The following EYS variants were observed in gnomAD, a reference collection of about 807,000 sequenced individuals.
The protein encoded by EYS is protein eyes shut homolog.
In EYS, 250 loss-of-function variants were observed where a neutral mutation model predicts 282.1. That is an observed-to-expected ratio of 0.89 (90% CI 0.80 to 0.98). The LOEUF is 0.98. Ranked by LOEUF, EYS falls within the 50% of genes least tolerant of loss-of-function variation. The pLI, the probability that EYS is intolerant of heterozygous loss-of-function variation, is 0.00. For synonymous variants in EYS, 1,355 were observed against 1,282.9 expected (o/e 1.06, Z -1.20); for missense variants, 4,016 against 3,709.0 (o/e 1.08, Z -2.15).
chr6:65,365,217 A>C (rs918214877), intron 8 of EYS, among the ~76,000 whole-genome samples: 1 of 151,734 alleles, frequency 6.6e-6, no homozygotes, highest in Admixed American at 6.7e-5. Context: ...TAGTAAGCTT[A>C]TCCAAAATAC....
chr6:64,426,386 A>T (rs1371349352), intron 28 of EYS, among the ~76,000 whole-genome samples: 1 of 152,196 alleles, frequency 6.6e-6, no homozygotes, highest in Non-Finnish European at 1.5e-5. Flanking sequence ...GAACATGGAT[A>T]CCAGATTGGA....
At chr6:64,023,247 C>G (rs1034439342) in intron 33 of EYS, among the ~76,000 whole-genome samples, 1 of 152,210 alleles carries the variant, frequency 6.6e-6, no homozygotes, top group Admixed American at 6.5e-5. Flanking sequence ...ATTTTAAAAT[C>G]TATTTCTCTG....
At chr6:64,776,571 T>C (rs1177163758) in intron 22 of EYS, among the ~76,000 whole-genome samples, 1 of 152,080 alleles carries the variant, frequency 6.6e-6, no homozygotes, top group East Asian at 1.9e-4. Flanking sequence ...GCTCTTTGTG[T>C]GTAGTTATAT....
chr6:64,195,986 C>A (rs1295076560), intron 31 of EYS, among the ~76,000 whole-genome samples: 1 of 152,080 alleles, frequency 6.6e-6, no homozygotes, highest in Non-Finnish European at 1.5e-5. Flanking sequence ...ATTTTCGCAA[C>A]CTACTCATCT....
At position 64,667,415 on chromosome 6, in the gene EYS, T is replaced by C. The variant is rs891662964; in HGVS notation, c.3444-41170A>G. On this transcript the variant is annotated intron_variant, in intron 22 of 42. Transcript: ENST00000503581. ...CCTCCTTGCAGCTTTGGACACAACG[T>C]GCAGATGGCATCATTATCTCTTTTA... is the stretch of plus-strand genomic sequence containing the variant. 3.3e-5 allele frequency among the ~76,000 whole-genome samples: 5 copies of C among 151,846 alleles called. No homozygotes were observed. In the South Asian group the frequency reaches 6.2e-4, roughly 19 times the overall value.
chr6:64,756,692 T>C (rs914917449), intron 22 of EYS, among the ~76,000 whole-genome samples: 4 of 152,210 alleles, frequency 2.6e-5, no homozygotes, highest in African/African-American at 9.6e-5. Flanking sequence ...CAGAGTGTCC[T>C]TTTACTCAGC....
chr6:64,566,826 T>C (rs1356857633), intron 26 of EYS, among the ~76,000 whole-genome samples: 1 of 152,128 alleles, frequency 6.6e-6, no homozygotes, highest in Non-Finnish European at 1.5e-5. Context: ...CAGGCTGGAA[T>C]GTAGTGCCAT....
At chr6:64,128,478 C>T (rs944592003) in intron 31 of EYS, among the ~76,000 whole-genome samples, 4 of 152,116 alleles carry the variant, frequency 2.6e-5, no homozygotes, top group Non-Finnish European at 5.9e-5. Context: ...TTCTAATTCT[C>T]ATAACATACA....
intron 29 of EYS, among the ~76,000 whole-genome samples, chr6:64,357,751 G>A (rs1561949265): frequency 1.3e-5 from 2 of 151,592 alleles, no homozygotes; most frequent in Admixed American, 1.3e-4. Flanking sequence ...TGCCCCTGTA[G>A]TGTGAAGTAG....
intron 35 of EYS, among the ~76,000 whole-genome samples, chr6:63,883,330 T>C (rs758164195): frequency 6.6e-6 from 1 of 152,172 alleles, no homozygotes; most frequent in Non-Finnish European, 1.5e-5. Flanking sequence ...TGACTTTTAA[T>C]GTAACTATGC....
At chr6:63,950,584 G>A (rs1046674987) in intron 35 of EYS, among the ~76,000 whole-genome samples, 4 of 152,170 alleles carry the variant, frequency 2.6e-5, no homozygotes, top group South Asian at 4.1e-4. Context: ...TCACATGGAC[G>A]CGCGTGACAT....
intron 22 of EYS, among the ~76,000 whole-genome samples, chr6:64,656,617 G>T (rs1010354450): frequency 6.6e-6 from 1 of 152,098 alleles, no homozygotes; most frequent in Non-Finnish European, 1.5e-5. Flanking sequence ...ATTCCCCTAG[G>T]AAACTCTGAT....
chr6:64,841,340 A>G (rs1361984633), intron 19 of EYS, among the ~76,000 whole-genome samples: 1 of 152,146 alleles, frequency 6.6e-6, no homozygotes, highest in African/African-American at 2.4e-5. Context: ...TTAAGAGAAT[A>G]TTTAACTCTA....
chr6:63,756,053 T>C (rs1177225080), intron 41 of EYS, among the ~76,000 whole-genome samples: 1 of 152,214 alleles, frequency 6.6e-6, no homozygotes, highest in Non-Finnish European at 1.5e-5. Context: ...GTTTTCTAAA[T>C]ATATAATCAT....
At chr6:64,562,001 C>G (rs1765410689) in intron 26 of EYS, among the ~76,000 whole-genome samples, 2 of 149,138 alleles carry the variant, frequency 1.3e-5, no homozygotes, top group African/African-American at 4.9e-5. Context: ...CTTTATACTA[C>G]AAGGCAACAG....
intron 28 of EYS, among the ~76,000 whole-genome samples, chr6:64,410,591 A>G (rs938146067): frequency 6.6e-6 from 1 of 152,156 alleles, no homozygotes; most frequent in Non-Finnish European, 1.5e-5. Flanking sequence ...TTTCTTTCAC[A>G]GTCATATTTA....
chr6:65,512,753 C>T (rs1766946056), intron 2 of EYS, among the ~76,000 whole-genome samples: 1 of 151,920 alleles, frequency 6.6e-6, no homozygotes, highest in Non-Finnish European at 1.5e-5. Context: ...AGAACAAAGA[C>T]ACAGCATACC....
intron 35 of EYS, among the ~76,000 whole-genome samples, chr6:63,957,130 A>T (rs1202984900): frequency 2.1e-5 from 2 of 95,984 alleles, no homozygotes; most frequent in African/African-American, 5.4e-5. Context: ...CTTATGTAAG[A>T]CAATATTTTT....
chr6:65,192,293 CTGTGTGTGTGTGTGTG>C (rs58238401), intron 12 of EYS, among the ~76,000 whole-genome samples: 1 of 142,810 alleles, frequency 7.0e-6, no homozygotes, highest in South Asian at 2.3e-4. Context: ...TTTTTCTACT[CTGTGTGTGTGTGTGTG>C]TGTGTGTGTG....
Sources: allele counts gnomAD v4.1 joint callset (sites outside exome capture counted in the v4.1 genomes callset), GRCh38; gene constraint gnomAD v4.1.1; transcripts MANE v1.5; gene names NCBI Gene and HGNC (gene_info 2026-07-23, HGNC 2026-07-21).